Variants in TAF4 observed in about 807,000 individuals in gnomAD.
TAF4 encodes TATA-box binding protein associated factor 4.
Under a neutral mutation model 90.3 loss-of-function variants are expected in TAF4, and 9 were observed. That is an observed-to-expected ratio of 0.10 (90% confidence interval 0.06 to 0.17). TAF4 has a LOEUF of 0.17. Among genes scored for constraint, TAF4 ranks in the 10% least tolerant of loss-of-function variants. The pLI, the probability that TAF4 is intolerant of heterozygous loss-of-function variation, is 1.00. For missense variants in TAF4, 1,351 were observed against 1,370.7 expected (o/e 0.99, Z 0.23); for synonymous variants, 818 against 638.9 (o/e 1.28, Z -4.23).
At chr20:61,979,527 G>A (rs1332513689) in intron 14 of TAF4, among the ~76,000 whole-genome samples, 8 of 145,272 alleles carry the variant, frequency 5.5e-5, no homozygotes, top group South Asian at 2.2e-4. Context: ...GAGGGACTGC[G>A]GCCCGTGCAG....
chr20:62,014,834 G>A (rs889814179), intron 1 of TAF4, 127 bp from the exon 2 acceptor site: 10 of 1,277,028 alleles, frequency 7.8e-6, no homozygotes, highest in African/African-American at 3.0e-5. Flanking sequence ...TTAAACACAC[G>A]AATCCCCCAA....
At chr20:61,987,542 G>A (rs1178493248) in intron 14 of TAF4, among the ~76,000 whole-genome samples, 1 of 152,140 alleles carries the variant, frequency 6.6e-6, no homozygotes, top group African/African-American at 2.4e-5. Context: ...ACACCTACTA[G>A]AGCGGCCAAA....
In TAF4 at chr20:62,064,979, C is replaced by G. The variant is rs2056116870; in HGVS notation, c.832G>C (p.Ala278Pro). Residue 278 changes from alanine to proline, a missense_variant, in exon 1 of 15, where the codon GCC becomes CCC. By Grantham distance (27) the Ala-to-Pro change is conservative. This residue lies in a region of TAF4 where 782 missense variants were observed against 536.6 expected (regional missense o/e 1.46). Coordinates refer to ENST00000252996, the MANE Select transcript of TAF4 (RefSeq NM_003185.4). ...TGGCCGGGCGGCCGGGCCAGAGTGG[C>G]GGGCGCGGGGGGTGGCGGGGGCGGG... ...AAPPPPPPAP[A>P]TLARPPGHPA... 7.8e-6 allele frequency: 2 copies of G among 257,116 alleles called. No individual in the cohort carries two copies. The highest frequency in any genetic ancestry group is 1.0e-5 in the Non-Finnish European group (2 of 200,160). 15.9% of individuals were successfully genotyped at this position (257,116 alleles called of 1,614,324 possible). A position where few individuals can be genotyped will look rare whatever the true frequency, so the allele number is the denominator to read the frequency against.
chr20:61,992,601 G>T (rs1005142196), intron 14 of TAF4, among the ~76,000 whole-genome samples: 6 of 152,022 alleles, frequency 3.9e-5, no homozygotes, highest in Non-Finnish European at 7.3e-5. Flanking sequence ...AAGCCCATGA[G>T]ACCATGTTTT....
chr20:62,050,259 T>A lies in TAF4; in HGVS notation c.1360+14192A>T, dbSNP rs538779738. Among the ~76,000 whole-genome samples, 57 of 152,162 alleles carry A rather than the reference T, an allele frequency of 3.7e-4. 1 individual carries two copies. The highest frequency in any genetic ancestry group is 1.3e-3 in the African/African-American group (56 of 41,534). ...CACATGACCTATCCTCGGCCTCTCA[T>A]CATCCTCCCCTCCAGGGTCCCGGCC... On this transcript the variant is annotated intron_variant, in intron 1 of 14. Coordinates refer to ENST00000252996, the MANE Select transcript of TAF4 (RefSeq NM_003185.4).
intron 14 of TAF4, among the ~76,000 whole-genome samples, chr20:61,996,675 T>C (rs556006578): frequency 6.6e-6 from 1 of 151,752 alleles, no homozygotes; most frequent in Non-Finnish European, 1.5e-5. Context: ...GGCACACGTC[T>C]ATAGTCCCAG....
intron 1 of TAF4, among the ~76,000 whole-genome samples, chr20:62,055,298 C>A (rs1463439636): frequency 6.7e-6 from 1 of 149,964 alleles, no homozygotes; most frequent in Admixed American, 6.6e-5. Flanking sequence ...TGCCTGCGGG[C>A]GGTCCTGCAA....
At chr20:62,013,599 A>G (rs1443752666) in intron 2 of TAF4, among the ~76,000 whole-genome samples, 1 of 152,226 alleles carries the variant, frequency 6.6e-6, no homozygotes, top group Non-Finnish European at 1.5e-5. Context: ...GTCCCTGTCT[A>G]TGGGACAGAG....
In TAF4 at chr20:62,012,998, ACAGAAAT is replaced by A. The variant is rs2055788607; in HGVS notation, c.1522-71_1522-65del. The A allele has an allele frequency of 3.1e-6, 5 of 1,592,124 alleles. No individual in the cohort carries two copies. The Admixed American group carries it at 8.8e-5, about 28-fold the overall frequency. ...AAAAGGAATTCCCACCCCCAGGTAC[ACAGAAAT>A]TATTCCTTCCATATGTAACTAGTAT... is the stretch of plus-strand genomic sequence containing the variant. On this transcript the variant is annotated intron_variant, in intron 2 of 14. Coordinates refer to ENST00000252996, the MANE Select transcript of TAF4 (RefSeq NM_003185.4).
At position 62,007,475 on chromosome 20, in the gene TAF4, C is replaced by A. The variant is rs893195003; in HGVS notation, c.1974+72G>T. ...CCGTGCCTGGAGCATCCTCGCCCTG[C>A]ACACTTGGTGCATCTGCGCCCCACC... On this transcript the variant is annotated intron_variant, in intron 6 of 14. Coordinates refer to ENST00000252996, the MANE Select transcript of TAF4 (RefSeq NM_003185.4). 4 of 1,459,578 alleles carry A rather than the reference C, an allele frequency of 2.7e-6. No homozygotes were observed. In the Admixed American group the frequency reaches 5.1e-5, roughly 19 times the overall value. 90.4% of individuals were successfully genotyped at this position (1,459,578 alleles called of 1,614,324 possible).
intron 11 of TAF4, 97 bp downstream of exon 11, chr20:62,000,027 C>T: frequency 6.5e-7 from 1 of 1,533,908 alleles, no homozygotes; most frequent in Admixed American, 1.7e-5. Flanking sequence ...ACTTGGGACC[C>T]ACCGCCCTCT....
At chr20:62,044,173 T>C (rs951529157) in intron 1 of TAF4, among the ~76,000 whole-genome samples, 11 of 152,262 alleles carry the variant, frequency 7.2e-5, no homozygotes, top group African/African-American at 2.7e-4. Context: ...AGTGCTTGAA[T>C]TATGCAGAAA....
chr20:62,028,501 C>T (rs1318401780), intron 1 of TAF4, among the ~76,000 whole-genome samples: 1 of 152,134 alleles, frequency 6.6e-6, no homozygotes. Flanking sequence ...TTGGGTTCCA[C>T]AGGGAACTTG....
intron 1 of TAF4, among the ~76,000 whole-genome samples, chr20:62,034,677 GA>G (rs1197030730): frequency 3.3e-5 from 5 of 152,004 alleles, no homozygotes; most frequent in Non-Finnish European, 7.4e-5. Context: ...AATGAACTCA[GA>G]ATGTCCTGGA....
At chr20:62,063,637 G>A (rs7272689) in intron 1 of TAF4, among the ~76,000 whole-genome samples, 1,790 of 152,248 alleles carry the variant, frequency 0.012, 34 homozygotes, top group African/African-American at 0.041. Flanking sequence ...ACCCCTGCAC[G>A]GAGCGAGAAC....
chr20:61,989,816 CCAA>C (rs938832472), intron 14 of TAF4, among the ~76,000 whole-genome samples: 4 of 152,306 alleles, frequency 2.6e-5, no homozygotes, highest in East Asian at 1.9e-4. Flanking sequence ...AACGAATAAA[CCAA>C]CGAGGAGGGG....
intron 14 of TAF4, among the ~76,000 whole-genome samples, chr20:61,996,513 G>T (rs904674837): frequency 6.6e-6 from 1 of 152,078 alleles, no homozygotes; most frequent in South Asian, 2.1e-4. Flanking sequence ...TGAAAATGAG[G>T]GTGAAGGCCA....
Position 62,065,174 on chromosome 20 carries a change from G to A in TAF4, c.637C>T (p.Pro213Ser). ...ALLNSHHAAAPAVSLVNNGPA... is the reference protein window; with the variant it reads ...ALLNSHHAAASAVSLVNNGPA... ...CCGTTGTTGACCAGGCTGACAGCAG[G>A]TGCGGCGGCGTGGTGCGAGTTCAGC... The change falls in exon 1 of 15, where the codon CCT becomes TCT. Residue 213 changes from proline to serine, a missense_variant. Pro to Ser is a moderately conservative substitution (Grantham distance 74). Transcript: ENST00000252996. 2.5e-6 allele frequency: 3 copies of A among 1,212,826 alleles called. No homozygotes were observed. The highest frequency in any genetic ancestry group is 1.7e-5 in the African/African-American group (1 of 60,046). The allele number at this position is 1,212,826 out of a possible 1,614,324, so 75.1% of individuals were successfully genotyped here.
Position 62,064,960 on chromosome 20 carries a change from G to C in TAF4, c.851C>G (p.Pro284Arg). The C allele has an allele frequency of 2.2e-6, 1 of 459,808 alleles. No individual in the cohort carries two copies. Among genetic ancestry groups the C allele is most frequent in the Non-Finnish European group, 2.8e-6 (1 of 358,212 alleles). The allele number at this position is 459,808 out of a possible 1,614,324, so 28.5% of individuals were successfully genotyped here. Residue 284 changes from proline (P) to arginine (R), a missense_variant, in exon 1 of 15, where the codon CCC becomes CGC. Pro to Arg is a moderately radical substitution (Grantham distance 103). Coordinates refer to ENST00000252996, the MANE Select transcript of TAF4 (RefSeq NM_003185.4). ...GGTCGGGGGTCCGGCGGGGTGGCCG[G>C]GCGGCCGGGCCAGAGTGGCGGGCGC... The part of the protein sequence containing the change: ...PPAPATLARP[P>R]GHPAGPPTAA...
Sources: gnomAD v4.1 joint callset for allele counts (sites outside exome capture counted in the v4.1 genomes callset) on GRCh38, gnomAD v4.1.1 for gene constraint, gnomAD v4.1.1 regional missense constraint, MANE v1.5 for transcripts, NCBI Gene and HGNC (gene_info 2026-07-23, HGNC 2026-07-21) for gene names.